ZNF33A: variants seen among roughly 807,000 people sequenced by gnomAD.
The protein encoded by ZNF33A is zinc finger protein 33A, also known as brain my041 protein.
Under a neutral mutation model 15.9 loss-of-function variants are expected in ZNF33A, and 9 were observed. The observed-to-expected ratio is 0.57, with a 90% confidence interval of 0.34 to 0.99. ZNF33A has a LOEUF of 0.99. ZNF33A is among the 50% of genes least tolerant of loss of function. The pLI is 0.02. For synonymous variants in ZNF33A, 294 were observed against 324.2 expected (o/e 0.91, Z 1.00); for missense variants, 843 against 941.6 (o/e 0.90, Z 1.37).
Position 38,054,844 on chromosome 10 carries a change from G to A in ZNF33A, c.720G>A (p.Glu240=), listed in dbSNP as rs41276138. 7 of 1,613,146 alleles carry A rather than the reference G, an allele frequency of 4.3e-6. No homozygotes were observed. Among genetic ancestry groups the A allele is most frequent in the Non-Finnish European group, 5.9e-6 (7 of 1,179,854 alleles). Reference sequence around the variant, plus strand: ...CAGTATTCAATACACAGAAGAGAGAGAACGCAGAAGAGAATAACTGTGATT... The same window carrying A: ...CAGTATTCAATACACAGAAGAGAGAAAACGCAGAAGAGAATAACTGTGATT... ...EKAVFNTQKR[E]NAEENNCDYN... Residue 240 remains glutamate, a synonymous_variant, in exon 5 of 5, where the codon GAG becomes GAA. Coordinates refer to ENST00000432900, the MANE Select transcript of ZNF33A (RefSeq NM_006954.2).
At chr10:38,031,236 G>A (rs2065197144) in intron 4 of ZNF33A, among the ~76,000 whole-genome samples, 1 of 152,130 alleles carries the variant, frequency 6.6e-6, no homozygotes, top group Non-Finnish European at 1.5e-5. Context: ...GGGGTACATA[G>A]AATCTTCTCA....
chr10:38,060,027 A>T lies in ZNF33A; in HGVS notation c.*3467A>T. The T allele has an allele frequency of 1.0e-6, 1 of 984,614 alleles. No homozygotes were observed. The highest frequency in any genetic ancestry group is 1.1e-4 in the East Asian group (1 of 8,808). The allele number at this position is 984,614 out of a possible 1,614,324, so 61.0% of individuals were successfully genotyped here. A position where few individuals can be genotyped will look rare whatever the true frequency, so the allele number is the denominator to read the frequency against. ...AAAGCTACTCTAAAAAATGAAGTGT[A>T]TCAAGTAAATAAATAACCAACCAAC... is the stretch of plus-strand genomic sequence containing the variant. On this transcript the variant is annotated 3_prime_UTR_variant, in exon 5 of 5. Transcript: ENST00000432900.
At chr10:38,035,557 C>T (rs2474543) in intron 4 of ZNF33A, among the ~76,000 whole-genome samples, 9,113 of 152,202 alleles carry the variant, frequency 0.06, 352 homozygotes, top group Middle Eastern at 0.095. Context: ...TTCCTTTAGT[C>T]TCACAGACTT....
At position 38,054,404 on chromosome 10, in the gene ZNF33A, A is replaced by C. The variant is rs142550214; in HGVS notation, c.280A>C (p.Arg94=). 4 of 1,584,196 alleles carry C rather than the reference A, an allele frequency of 2.5e-6. No homozygotes were observed. Among genetic ancestry groups the C allele is most frequent in the Non-Finnish European group, 3.4e-6 (4 of 1,168,262 alleles). ...EVWTADHLKE[R]SQENQSKHLW... is the part of the protein sequence containing the mutation. ...CTGGACAGCTGATCACCTGAAAGAG[A>C]GGAGCCAAGAAAACCAATCTAAACA... The change falls in exon 5 of 5, where the codon AGG becomes CGG. Residue 94 remains arginine, a synonymous_variant. Transcript: ENST00000432900.
At chr10:38,015,657 C>T (rs2064419212) in intron 2 of ZNF33A, among the ~76,000 whole-genome samples, 1 of 152,136 alleles carries the variant, frequency 6.6e-6, no homozygotes, top group Admixed American at 6.6e-5. Context: ...ATGTTTCTTA[C>T]TAGAATACTG....
intron 4 of ZNF33A, among the ~76,000 whole-genome samples, chr10:38,044,517 T>C (rs1320395055): frequency 6.6e-6 from 1 of 151,566 alleles, no homozygotes; most frequent in African/African-American, 2.4e-5. Context: ...GCCCAATCTT[T>C]TGTTGAGTCA....
intron 4 of ZNF33A, among the ~76,000 whole-genome samples, chr10:38,022,930 A>G (rs2064818273): frequency 6.6e-6 from 1 of 152,144 alleles, no homozygotes; most frequent in Admixed American, 6.6e-5. Flanking sequence ...TCCTCAGAAA[A>G]TAGAAGTGGG....
rs751655326 is a variant in ZNF33A at position 38,016,974 on chromosome 10, G to T, written c.113G>T (p.Arg38Ile). The T allele has an allele frequency of 2.5e-6, 4 of 1,611,478 alleles. No individual in the cohort carries two copies. ...HLDPSQRALY[R>I]DVMLENYSNL... is the part of the protein sequence containing the mutation. ...GACCCTAGTCAGAGGGCTCTGTATA[G>T]AGATGTGATGCTGGAGAACTACAGC... The change falls in exon 3 of 5, where the codon AGA (arginine) becomes ATA (isoleucine). Residue 38 changes from arginine (R) to isoleucine (I), a missense_variant. Physicochemically the swap from Arg to Ile is moderately conservative, Grantham distance 97. Coordinates refer to ENST00000432900, the MANE Select transcript of ZNF33A (RefSeq NM_006954.2).
downstream of ZNF33A, among the ~76,000 whole-genome samples, chr10:38,065,728 T>G (rs1042600508): frequency 6.6e-6 from 1 of 150,388 alleles, no homozygotes; most frequent in Non-Finnish European, 1.5e-5. Context: ...TTTTTTTTTT[T>G]GAGACGGATT....
At chr10:38,064,157 G>C, downstream of ZNF33A, 9 of 1,580,538 alleles carry the variant, frequency 5.7e-6, no homozygotes, top group Non-Finnish European at 7.7e-6. Flanking sequence ...TGCACTGCCT[G>C]CCACACCAGG....
At chr10:38,013,320 A>G (rs1199991207) in intron 2 of ZNF33A, among the ~76,000 whole-genome samples, 1 of 152,026 alleles carries the variant, frequency 6.6e-6, no homozygotes, top group East Asian at 1.9e-4. Context: ...CGTGTTGGCC[A>G]GGATGGTCTT....
chr10:38,034,956 T>C (rs1241894490), intron 4 of ZNF33A, among the ~76,000 whole-genome samples: 1 of 152,118 alleles, frequency 6.6e-6, no homozygotes, highest in Non-Finnish European at 1.5e-5. Context: ...TGTAACCATC[T>C]GTATCTCTCT....
intron 4 of ZNF33A, 97 bp downstream of exon 4, chr10:38,017,483 C>T: frequency 1.1e-6 from 1 of 899,518 alleles, no homozygotes; most frequent in South Asian, 1.6e-5. Flanking sequence ...TTTTCAAGAA[C>T]ATCTCCATAG....
chr10:38,034,128 G>A (rs575292192), intron 4 of ZNF33A, among the ~76,000 whole-genome samples: 152 of 152,282 alleles, frequency 1.0e-3, no homozygotes, highest in Non-Finnish European at 1.8e-3. Flanking sequence ...AGAGAGAATT[G>A]CCATTTACCC....
chr10:38,054,383 A>G lies in ZNF33A; in HGVS notation c.259A>G (p.Thr87Ala). 3 of 1,556,152 alleles carry G rather than the reference A, an allele frequency of 1.9e-6. No individual in the cohort carries two copies. Among genetic ancestry groups the G allele is most frequent in the African/African-American group, 2.7e-5 (2 of 72,766 alleles). ...ATTTTGCTTGTTTCTAGAAGTCTGG[A>G]CAGCTGATCACCTGAAAGAGAGGAG... ...FPSQSFPEVWTADHLKERSQE... is the reference protein window; with the variant it reads ...FPSQSFPEVWAADHLKERSQE... Residue 87 changes from threonine to alanine, a missense_variant, in exon 5 of 5, where the codon ACA (threonine) becomes GCA (alanine). Coordinates refer to ENST00000432900, the MANE Select transcript of ZNF33A (RefSeq NM_006954.2).
intron 4 of ZNF33A, among the ~76,000 whole-genome samples, chr10:38,049,992 G>C (rs2066127331): frequency 6.6e-6 from 1 of 152,088 alleles, no homozygotes; most frequent in Non-Finnish European, 1.5e-5. Context: ...CAAATAAACA[G>C]CTACTACTGC....
intron 4 of ZNF33A, among the ~76,000 whole-genome samples, chr10:38,038,064 T>C (rs1362427893): frequency 1.3e-5 from 2 of 152,222 alleles, no homozygotes; most frequent in Admixed American, 6.5e-5. Context: ...GACTATAAGC[T>C]CTGTATTTCC....
chr10:38,048,992 A>G (rs2066079175), intron 4 of ZNF33A, among the ~76,000 whole-genome samples: 1 of 152,174 alleles, frequency 6.6e-6, no homozygotes, highest in African/African-American at 2.4e-5. Flanking sequence ...ATGAATGAAT[A>G]TATTAACAAA....
intron 4 of ZNF33A, among the ~76,000 whole-genome samples, chr10:38,041,313 T>C (rs1317989776): frequency 1.3e-5 from 2 of 151,800 alleles, no homozygotes; most frequent in Non-Finnish European, 2.9e-5. Context: ...TCTATGATTA[T>C]GTGTATACAA....
Sources: gnomAD v4.1 joint callset for allele counts (sites outside exome capture counted in the v4.1 genomes callset) on GRCh38, gnomAD v4.1.1 for gene constraint, MANE v1.5 for transcripts, NCBI Gene and HGNC (gene_info 2026-07-23, HGNC 2026-07-21) for gene names.